The following VPS50 variants were observed in gnomAD, a reference collection of about 807,000 sequenced individuals.
The protein encoded by VPS50 is VPS50 subunit of EARP/GARPII complex.
VPS50 carries 70 observed loss-of-function variants against 139.7 expected under a neutral mutation model. The ratio of observed to expected loss-of-function variants is 0.50; its 90% CI spans 0.41 to 0.61. The LOEUF is 0.61. Ranked by LOEUF, VPS50 falls within the 20% of genes least tolerant of loss-of-function variation. The pLI is 0.00. For missense variants in VPS50, 921 were observed against 1,133.7 expected (o/e 0.81, Z 2.69); for synonymous variants, 365 against 376.7 (o/e 0.97, Z 0.36).
intron 19 of VPS50, among the ~76,000 whole-genome samples, chr7:93,310,418 T>C (rs1248281842): frequency 1.3e-5 from 2 of 152,040 alleles, no homozygotes; most frequent in Admixed American, 6.6e-5. Flanking sequence ...TGGATTCTTG[T>C]CTCTAGGCTT....
At position 93,294,587 on chromosome 7, in the gene VPS50, G is replaced by A. The variant is rs371166383; in HGVS notation, c.1118G>A (p.Arg373His). Residue 373 changes from arginine (R) to histidine (H), a missense_variant, in exon 14 of 28, where the codon CGT (arginine) becomes CAT (histidine). Physicochemically the swap from Arg to His is conservative, Grantham distance 29 (BLOSUM62 0). Transcript: ENST00000305866. ...GGTACTGAAGAAACTAATTTTGATC[G>A]TGGCTACATAAAAAAGAAATTAGAA... ...MIGTEETNFD[R>H]GYIKKKLEHG... The A allele has an allele frequency of 1.0e-5, 16 of 1,598,170 alleles. No individual in the cohort carries two copies. Among genetic ancestry groups the A allele is most frequent in the South Asian group, 4.6e-5 (4 of 87,338 alleles).
rs890188432 is a variant in VPS50, at chr7:93,355,113, C to T, written c.2586-778C>T. Reference sequence around the variant, plus strand: ...ATGTAATACTTCTGTATAAAATACTCTTTTTTAAAAAAAAAAAAAAAAGCT... The same window carrying T: ...ATGTAATACTTCTGTATAAAATACTTTTTTTTAAAAAAAAAAAAAAAAGCT... On this transcript the variant is annotated intron_variant, in intron 26 of 27. Transcript: ENST00000305866. 4.9e-4 allele frequency among the ~76,000 whole-genome samples: 46 copies of T among 94,844 alleles called. 1 individual carries two copies. The highest frequency in any genetic ancestry group is 8.5e-4 in the South Asian group (2 of 2,348). The allele number at this position is 94,844 out of a possible 152,430, so 62.2% of individuals were successfully genotyped here. A position where few individuals can be genotyped will look rare whatever the true frequency, so the allele number is the denominator to read the frequency against.
At chr7:93,341,764 G>C (rs1340533578) in intron 23 of VPS50, among the ~76,000 whole-genome samples, 189 bp downstream of exon 23, 1 of 152,142 alleles carries the variant, frequency 6.6e-6, no homozygotes, top group African/African-American at 2.4e-5. Flanking sequence ...TGGTTTTTCA[G>C]TTATAGAAAT....
intron 2 of VPS50, among the ~76,000 whole-genome samples, chr7:93,247,400 G>A (rs142265784): frequency 1.3e-5 from 2 of 151,884 alleles, no homozygotes; most frequent in Admixed American, 6.6e-5. Flanking sequence ...TCTATCCTGC[G>A]GAAGCCACCC....
chr7:93,323,516 T>A (rs1257677052), intron 20 of VPS50, 95 bp from the exon 21 acceptor site: 3 of 366,672 alleles, frequency 8.2e-6, no homozygotes, highest in Non-Finnish European at 1.3e-5. Context: ...TATATTTAAA[T>A]ATTTTAGTAT....
At chr7:93,241,762 C>T (rs1037519516) in intron 2 of VPS50, among the ~76,000 whole-genome samples, 1 of 152,030 alleles carries the variant, frequency 6.6e-6, no homozygotes, top group Admixed American at 6.6e-5. Context: ...AAATTCCCTA[C>T]ACAGCATAGC....
intron 4 of VPS50, among the ~76,000 whole-genome samples, chr7:93,254,571 A>G (rs1178321649): frequency 6.6e-6 from 1 of 152,152 alleles, no homozygotes; most frequent in Non-Finnish European, 1.5e-5. Context: ...CTGGCCCTGT[A>G]ATGGAGTATT....
At chr7:93,329,506 AAG>A (rs1042398843) in intron 21 of VPS50, among the ~76,000 whole-genome samples, 4 of 151,946 alleles carry the variant, frequency 2.6e-5, no homozygotes, top group Non-Finnish European at 5.9e-5. Context: ...GATGGAGAAG[AAG>A]AGAGAGAGAA....
intron 11 of VPS50, 38 bp from the exon 12 acceptor site, chr7:93,276,127 A>T: frequency 6.7e-7 from 1 of 1,499,754 alleles, no homozygotes; most frequent in East Asian, 2.3e-5. Flanking sequence ...TTATTTTAAT[A>T]ATGTGAAATT....
chr7:93,276,844 A>G (rs757847930), intron 12 of VPS50, among the ~76,000 whole-genome samples: 15 of 152,158 alleles, frequency 9.9e-5, no homozygotes, highest in Non-Finnish European at 2.1e-4. Flanking sequence ...GAGAATGATG[A>G]ATAATTGGGA....
intron 25 of VPS50, 67 bp from the exon 26 acceptor site, chr7:93,353,573 A>AT: frequency 6.6e-7 from 1 of 1,524,954 alleles, no homozygotes; most frequent in Non-Finnish European, 8.9e-7. Flanking sequence ...TATTTAAACA[A>AT]TTTTTATGGG....
At chr7:93,268,844 C>A (rs1795921963) in intron 9 of VPS50, among the ~76,000 whole-genome samples, 2 of 152,056 alleles carry the variant, frequency 1.3e-5, no homozygotes, top group African/African-American at 4.8e-5. Flanking sequence ...ATCTTTATAA[C>A]AGAATGATTT....
chr7:93,300,467 T>G (rs1320881822), intron 16 of VPS50, among the ~76,000 whole-genome samples: 1 of 152,096 alleles, frequency 6.6e-6, no homozygotes, highest in Non-Finnish European at 1.5e-5. Context: ...ATTGGCAAAT[T>G]TAATTCAGTG....
At chr7:93,247,856 A>AT in intron 2 of VPS50, among the ~76,000 whole-genome samples, 1 of 151,922 alleles carries the variant, frequency 6.6e-6, no homozygotes, top group Admixed American at 6.6e-5. Context: ...TGATTTGTTC[A>AT]TTTTTTGCCT....
At chr7:93,334,724 T>C in intron 22 of VPS50, among the ~76,000 whole-genome samples, 1 of 152,216 alleles carries the variant, frequency 6.6e-6, no homozygotes, top group East Asian at 1.9e-4. Context: ...GTAGGGAGCC[T>C]GGTTCTTGAC....
chr7:93,295,511 A>G (rs897021206), intron 14 of VPS50: 1 of 152,246 alleles, frequency 6.6e-6, no homozygotes, highest in African/African-American at 2.4e-5. Context: ...TTTCTTTACA[A>G]TTTAGTAACT....
At chr7:93,337,799 A>G (rs1798105654) in intron 22 of VPS50, among the ~76,000 whole-genome samples, 1 of 152,080 alleles carries the variant, frequency 6.6e-6, no homozygotes, top group African/African-American at 2.4e-5. Flanking sequence ...ATTCATACAT[A>G]CCTAGTAACT....
At chr7:93,234,909 T>C (rs1164472200) in intron 1 of VPS50, among the ~76,000 whole-genome samples, 1 of 151,028 alleles carries the variant, frequency 6.6e-6, no homozygotes, top group African/African-American at 2.5e-5. Context: ...AAATGTTTAT[T>C]GAGCAATTTG....
At chr7:93,240,236 C>T (rs1300502567) in intron 2 of VPS50, among the ~76,000 whole-genome samples, 2 of 146,052 alleles carry the variant, frequency 1.4e-5, no homozygotes, top group Admixed American at 6.7e-5. Context: ...CACACACACA[C>T]ACACACACAC....
Sources: allele counts gnomAD v4.1 joint callset (sites outside exome capture counted in the v4.1 genomes callset), GRCh38; gene constraint gnomAD v4.1.1; transcripts MANE v1.5; gene names NCBI Gene and HGNC (gene_info 2026-07-23, HGNC 2026-07-21).